Variants in DENND1B observed in about 807,000 individuals in gnomAD.
The protein encoded by DENND1B is DENN domain containing 1B.
DENND1B carries 59 observed loss-of-function variants against 90.1 expected under a neutral mutation model. The ratio of observed to expected loss-of-function variants is 0.65; its 90% CI spans 0.53 to 0.81. DENND1B has a LOEUF of 0.81. Ranked by LOEUF, DENND1B falls within the 40% of genes least tolerant of loss-of-function variation. The probability of loss-of-function intolerance (pLI) is 0.00; values close to 1 mark genes in which losing one functional copy is unlikely to be tolerated. For missense variants in DENND1B, 862 were observed against 912.6 expected (o/e 0.94, Z 0.71); for synonymous variants, 337 against 324.6 (o/e 1.04, Z -0.41).
intron 14 of DENND1B, among the ~76,000 whole-genome samples, chr1:197,593,352 C>A: frequency 1.4e-5 from 2 of 145,608 alleles, no homozygotes; most frequent in African/African-American, 2.5e-5. Flanking sequence ...GAAAATACTC[C>A]TAAAAAAAAA....
chr1:197,681,116 T>G (rs1021195105), intron 3 of DENND1B, among the ~76,000 whole-genome samples: 1 of 152,114 alleles, frequency 6.6e-6, no homozygotes, highest in African/African-American at 2.4e-5. Flanking sequence ...TGCCAAAACT[T>G]TAACATACTG....
At chr1:197,731,068 A>G (rs1464215344) in intron 2 of DENND1B, among the ~76,000 whole-genome samples, 3 of 152,170 alleles carry the variant, frequency 2.0e-5, no homozygotes, top group Non-Finnish European at 4.4e-5. Context: ...ACTGGCTACT[A>G]GAAAGTTTCG....
At position 197,746,424 on chromosome 1, in the gene DENND1B, G is replaced by A. The variant is rs1211521094; in HGVS notation, c.82+26444C>T. 2.0e-5 allele frequency among the ~76,000 whole-genome samples: 3 copies of A among 152,148 alleles called. No individual in the cohort carries two copies. The South Asian group carries it at 6.2e-4, about 32-fold the overall frequency. On this transcript the variant is annotated intron_variant, in intron 2 of 22. Coordinates refer to ENST00000620048, the MANE Select transcript of DENND1B (RefSeq NM_001195215.2). ...AGAAAGAAAGTATGAGAAGATCACT[G>A]ACTACACTAAACCAAATGAACGAAA...
chr1:197,716,339 T>C lies in DENND1B; in HGVS notation c.83-1265A>G, dbSNP rs1283050457. The stretch of plus-strand genomic sequence containing the variant: ...AAGGACTAAAAAGTTTCCATATAAA[T>C]AATAAAAATCAATAATTTAAAACAT... On this transcript the variant is annotated intron_variant, in intron 2 of 22. Coordinates refer to ENST00000620048, the MANE Select transcript of DENND1B (RefSeq NM_001195215.2). Among the ~76,000 whole-genome samples the C allele has an allele frequency of 2.6e-5, 4 of 151,542 alleles. No homozygotes were observed. The East Asian group carries it at 7.7e-4, about 29-fold the overall frequency.
At chr1:197,727,019 AAT>A (rs2102299144) in intron 2 of DENND1B, among the ~76,000 whole-genome samples, 1 of 152,356 alleles carries the variant, frequency 6.6e-6, no homozygotes, top group East Asian at 1.9e-4. Context: ...TTTCTAATTA[AAT>A]ATGTTGTTTT....
At chr1:197,759,938 G>C (rs1240684200) in intron 2 of DENND1B, among the ~76,000 whole-genome samples, 2 of 151,856 alleles carry the variant, frequency 1.3e-5, no homozygotes, top group Admixed American at 1.3e-4. Context: ...TTTGTGTTTT[G>C]ACCAATTCAG....
chr1:197,759,667 C>G (rs181107113), intron 2 of DENND1B, among the ~76,000 whole-genome samples: 7 of 133,900 alleles, frequency 5.2e-5, no homozygotes, highest in Admixed American at 8.5e-5. Flanking sequence ...GGCGTGAACC[C>G]GGGAGGTGGA....
intron 20 of DENND1B, among the ~76,000 whole-genome samples, chr1:197,525,592 A>G (rs1386422077): frequency 6.6e-6 from 1 of 152,134 alleles, no homozygotes; most frequent in Non-Finnish European, 1.5e-5. Flanking sequence ...AGAAGTCAGT[A>G]CTGAAGAAAA....
chr1:197,634,920 G>C (rs1373775767), intron 10 of DENND1B, among the ~76,000 whole-genome samples: 2 of 152,062 alleles, frequency 1.3e-5, no homozygotes, highest in Non-Finnish European at 2.9e-5. Flanking sequence ...TGAGATCTGC[G>C]GGCAGAAGCT....
intron 13 of DENND1B, among the ~76,000 whole-genome samples, 193 bp from the exon 14 acceptor site, chr1:197,595,526 A>G (rs2125809034): frequency 6.6e-6 from 1 of 152,214 alleles, no homozygotes; most frequent in Middle Eastern, 3.4e-3. Context: ...AGAGGAGAGT[A>G]ACGTGCTAAT....
intron 15 of DENND1B, among the ~76,000 whole-genome samples, chr1:197,577,898 C>T (rs1041763639): frequency 6.6e-6 from 1 of 152,130 alleles, no homozygotes; most frequent in Non-Finnish European, 1.5e-5. Context: ...AATGCAGAAA[C>T]TGAGACCAAA....
At chr1:197,691,867 C>T (rs1283725602) in intron 3 of DENND1B, among the ~76,000 whole-genome samples, 5 of 151,864 alleles carry the variant, frequency 3.3e-5, no homozygotes. Flanking sequence ...CTCAAAAAGA[C>T]AAATACTGCA....
intron 3 of DENND1B, among the ~76,000 whole-genome samples, chr1:197,687,457 C>T (rs1209036671): frequency 6.6e-6 from 1 of 152,130 alleles, no homozygotes; most frequent in Non-Finnish European, 1.5e-5. Context: ...ATGTCTAAGA[C>T]TTATCTATTT....
chr1:197,566,217 T>G (rs529083329), intron 15 of DENND1B, among the ~76,000 whole-genome samples: 2,074 of 151,856 alleles, frequency 0.014, 21 homozygotes, highest in Non-Finnish European at 0.022. Flanking sequence ...TTGTGGTTTT[T>G]ATTTGCATTT....
At chr1:197,570,547 G>T (rs929477964) in intron 15 of DENND1B, among the ~76,000 whole-genome samples, 1 of 151,910 alleles carries the variant, frequency 6.6e-6, no homozygotes, top group African/African-American at 2.4e-5. Flanking sequence ...TAGAACTGAG[G>T]GCATGTTTAC....
chr1:197,522,719 A>C (rs141394977), intron 20 of DENND1B, among the ~76,000 whole-genome samples: 200 of 152,188 alleles, frequency 1.3e-3, no homozygotes, highest in African/African-American at 4.7e-3. Context: ...AAAAATCATA[A>C]TTTTTGTTGA....
chr1:197,540,044 A>G lies in DENND1B; in HGVS notation c.1435T>C (p.Ser479Pro), dbSNP rs374013943. 1.9e-6 allele frequency: 3 copies of G among 1,611,078 alleles called. No individual in the cohort carries two copies. In the African/African-American group the frequency reaches 4.0e-5, roughly 22 times the overall value. Residue 479 changes from serine (S) to proline (P), a missense_variant, in exon 20 of 23, where the codon TCT (serine) becomes CCT (proline). Ser to Pro is a moderately conservative substitution (Grantham distance 74, BLOSUM62 -1). Transcript: ENST00000620048. The stretch of plus-strand genomic sequence containing the variant: ...ACTGGTGTATATTGTACAGAACTAG[A>G]ACAGGTCCCATAATCTTCTTCATTT... ...KENEEDYGTC[S>P]SSVQYTPVYK...
intron 2 of DENND1B, among the ~76,000 whole-genome samples, chr1:197,770,626 A>C (rs1415840931): frequency 9.5e-6 from 1 of 105,764 alleles, no homozygotes; most frequent in Non-Finnish European, 1.8e-5. Context: ...CTATAAATAT[A>C]TATAAAAATA....
chr1:197,704,396 A>C (rs569684946), intron 3 of DENND1B, among the ~76,000 whole-genome samples: 1 of 152,090 alleles, frequency 6.6e-6, no homozygotes, highest in Non-Finnish European at 1.5e-5. Flanking sequence ...CTACCAAACT[A>C]ATTTCCTCGC....
Sources: gnomAD v4.1 joint callset for allele counts (sites outside exome capture counted in the v4.1 genomes callset) on GRCh38, gnomAD v4.1.1 for gene constraint, MANE v1.5 for transcripts, NCBI Gene and HGNC (gene_info 2026-07-23, HGNC 2026-07-21) for gene names.